The following ADAM2 variants were observed in gnomAD, a reference collection of about 807,000 sequenced individuals.
The protein encoded by ADAM2 is disintegrin and metalloproteinase domain-containing protein 2.
ADAM2 carries 101 observed loss-of-function variants against 99.3 expected under a neutral mutation model. That is an observed-to-expected ratio of 1.02 (90% CI 0.87 to 1.20). The LOEUF (loss-of-function observed/expected upper bound fraction) is 1.20. Ranked by LOEUF, ADAM2 falls within the 50% of genes most tolerant of loss-of-function variation. ADAM2 has a pLI of 0.00. For synonymous variants in ADAM2, 323 were observed against 287.6 expected, an observed-to-expected ratio of 1.12 and a Z score of -1.25; for missense variants, 948 against 878.7, an observed-to-expected ratio of 1.08 and a Z score of -1.00.
chr8:39,810,440 G>C (rs1178153655), intron 6 of ADAM2, among the ~76,000 whole-genome samples: 1 of 152,164 alleles, frequency 6.6e-6, no homozygotes, highest in Non-Finnish European at 1.5e-5. Flanking sequence ...GGACCTAATA[G>C]ACATCTACAG....
At chr8:39,817,566 A>G (rs1452406654) in intron 6 of ADAM2, among the ~76,000 whole-genome samples, 1 of 152,160 alleles carries the variant, frequency 6.6e-6, no homozygotes, top group Non-Finnish European at 1.5e-5. Flanking sequence ...ATCATTACAC[A>G]TTTTATTCAA....
chr8:39,746,601 G>C lies in ADAM2; in HGVS notation c.2045C>G (p.Ser682Cys). 1 of 1,605,222 alleles carries C rather than the reference G, an allele frequency of 6.2e-7. No individual in the cohort carries two copies. The highest frequency in any genetic ancestry group is 8.5e-7 in the Non-Finnish European group (1 of 1,176,926). The change falls in exon 19 of 21, where the codon TCC (serine) becomes TGC (cysteine). Residue 682 changes from serine to cysteine, a missense_variant. Coordinates refer to ENST00000265708, the MANE Select transcript of ADAM2 (RefSeq NM_001464.5). ...ERRYIENIYH[S>C]KPMRWPFFLF... ...GAAAAATGGCCATCTCATTGGTTTG[G>C]AATGGTAAATGTTCTCAATGTAGCG...
Position 39,824,913 on chromosome 8 carries a change from A to G in ADAM2, c.189-16T>C, listed in dbSNP as rs2129588543. The G allele has an allele frequency of 8.8e-7, 1 of 1,142,816 alleles. No homozygotes were observed. Among genetic ancestry groups the G allele is most frequent in the South Asian group, 1.3e-5 (1 of 75,620 alleles). 70.8% of individuals were successfully genotyped at this position (1,142,816 alleles called of 1,614,324 possible). Reference sequence around the variant, plus strand: ...TAAAAAGTTTCTGTAACATAAAGATAAAATGGAAAAATTTGATTCTTAACC... The same window carrying G: ...TAAAAAGTTTCTGTAACATAAAGATGAAATGGAAAAATTTGATTCTTAACC... On this transcript the variant is annotated splice_polypyrimidine_tract_variant and intron_variant, in intron 3 of 20. Coordinates refer to ENST00000265708, the MANE Select transcript of ADAM2 (RefSeq NM_001464.5).
chr8:39,751,126 T>C (rs1306944606), intron 16 of ADAM2, among the ~76,000 whole-genome samples: 1 of 152,142 alleles, frequency 6.6e-6, no homozygotes, highest in Non-Finnish European at 1.5e-5. Context: ...AATGCATACC[T>C]CCATTTAAGA....
At chr8:39,794,840 G>A (rs1014392210) in intron 7 of ADAM2, among the ~76,000 whole-genome samples, 8 of 152,122 alleles carry the variant, frequency 5.3e-5, no homozygotes, top group East Asian at 1.9e-4. Context: ...TGAATAAACC[G>A]CTTCCTTCTT....
chr8:39,827,874 T>G (rs1294016632), intron 3 of ADAM2, among the ~76,000 whole-genome samples: 4 of 152,188 alleles, frequency 2.6e-5, no homozygotes, highest in Non-Finnish European at 5.9e-5. Flanking sequence ...TCAAGTATTC[T>G]CAACCTCAAA....
chr8:39,761,117 G>T, intron 15 of ADAM2, 59 bp downstream of exon 15: 1 of 1,073,336 alleles, frequency 9.3e-7, no homozygotes, highest in Non-Finnish European at 1.3e-6. Flanking sequence ...ATTGTTTGAT[G>T]GTATTTTCAA....
At chr8:39,816,916 G>T (rs1318190306) in intron 6 of ADAM2, among the ~76,000 whole-genome samples, 2 of 152,144 alleles carry the variant, frequency 1.3e-5, no homozygotes, top group Non-Finnish European at 2.9e-5. Flanking sequence ...TATACAAACA[G>T]CCTGTGGGCC....
intron 19 of ADAM2, among the ~76,000 whole-genome samples, chr8:39,745,299 C>T (rs945470030): frequency 1.3e-5 from 2 of 151,940 alleles, no homozygotes; most frequent in Non-Finnish European, 2.9e-5. Flanking sequence ...ATAAGAAAAC[C>T]ACTTTAGTAT....
chr8:39,794,449 C>A (rs944402617), intron 7 of ADAM2, among the ~76,000 whole-genome samples: 5 of 151,586 alleles, frequency 3.3e-5, no homozygotes, highest in Non-Finnish European at 1.5e-5. Flanking sequence ...GAGGAGACCA[C>A]CCCTCATATA....
At chr8:39,745,314 AAATAATGACT>A (rs1823401003) in intron 19 of ADAM2, among the ~76,000 whole-genome samples, 1 of 152,176 alleles carries the variant, frequency 6.6e-6, no homozygotes, top group Admixed American at 6.5e-5. Context: ...TAGTATATTT[AAATAATGACT>A]AAGTTATTAC....
At chr8:39,823,917 C>T (rs996111237) in intron 4 of ADAM2, among the ~76,000 whole-genome samples, 3 of 152,030 alleles carry the variant, frequency 2.0e-5, no homozygotes, top group Non-Finnish European at 4.4e-5. Context: ...TTGATTGAGT[C>T]GCTATATAGA....
At chr8:39,778,737 G>GGAAGGA (rs779423379) in intron 10 of ADAM2, among the ~76,000 whole-genome samples, 23 of 151,678 alleles carry the variant, frequency 1.5e-4, no homozygotes, top group Non-Finnish European at 2.8e-4. Context: ...GAGAAGAAGG[G>GGAAGGA]GAAGGAGAAG....
At chr8:39,765,844 ATTAGAG>A (rs1226434561) in intron 14 of ADAM2, among the ~76,000 whole-genome samples, 1 of 152,194 alleles carries the variant, frequency 6.6e-6, no homozygotes, top group Non-Finnish European at 1.5e-5. Context: ...TTACACAGAA[ATTAGAG>A]TTAGACTTGC....
chr8:39,767,133 A>C lies in ADAM2; in HGVS notation c.1311+20T>G. On this transcript the variant is annotated intron_variant, in intron 13 of 20. Transcript: ENST00000265708. Reference sequence around the variant, plus strand: ...AACTACTTATGTAGGTAATATTGAAATTTTTCAAAAAGCTCTTACTAGACA... The same window carrying C: ...AACTACTTATGTAGGTAATATTGAACTTTTTCAAAAAGCTCTTACTAGACA... 6.2e-7 allele frequency: 1 copy of C among 1,600,282 alleles called. No individual in the cohort carries two copies. Among genetic ancestry groups the C allele is most frequent in the East Asian group, 2.2e-5 (1 of 44,796 alleles).
intron 7 of ADAM2, among the ~76,000 whole-genome samples, chr8:39,789,121 T>G (rs1378491349): frequency 6.6e-6 from 1 of 151,548 alleles, no homozygotes; most frequent in Non-Finnish European, 1.5e-5. Flanking sequence ...GTAAAGGAAC[T>G]TAAAAGATAT....
chr8:39,748,563 A>G (rs1434843955), intron 18 of ADAM2, among the ~76,000 whole-genome samples: 2 of 152,168 alleles, frequency 1.3e-5, no homozygotes, highest in East Asian at 3.8e-4. Flanking sequence ...AGATTTTTAT[A>G]TCAAAGAAAA....
chr8:39,764,927 G>T (rs942874686), intron 14 of ADAM2, among the ~76,000 whole-genome samples: 2 of 151,932 alleles, frequency 1.3e-5, no homozygotes, highest in African/African-American at 4.8e-5. Context: ...GGAGGCTGAG[G>T]CAGGAGAATC....
At chr8:39,781,400 C>T (rs188206213) in intron 10 of ADAM2, among the ~76,000 whole-genome samples, 3 of 152,144 alleles carry the variant, frequency 2.0e-5, no homozygotes, top group African/African-American at 7.2e-5. Flanking sequence ...GCACTACCTC[C>T]ACATAAAATA....
Sources: gnomAD v4.1 joint callset for allele counts (sites outside exome capture counted in the v4.1 genomes callset) on GRCh38, gnomAD v4.1.1 for gene constraint, MANE v1.5 for transcripts, NCBI Gene and HGNC (gene_info 2026-07-23, HGNC 2026-07-21) for gene names.